Variants in SMARCAL1 observed in about 807,000 individuals in gnomAD.
SMARCAL1 encodes the protein ATP-driven annealing helicase.
In SMARCAL1, 58 loss-of-function variants were observed where a neutral mutation model predicts 94.5. The observed-to-expected ratio is 0.61, with a 90% CI of 0.50 to 0.76. The LOEUF is 0.76. Ranked by LOEUF, SMARCAL1 falls within the 30% of genes least tolerant of loss-of-function variation. The pLI, the probability that SMARCAL1 is intolerant of heterozygous loss-of-function variation, is 0.00. For missense variants in SMARCAL1, 1,051 were observed against 1,177.9 expected, an observed-to-expected ratio of 0.89 and a Z score of 1.58; for synonymous variants, 422 against 455.1, an observed-to-expected ratio of 0.93 and a Z score of 0.93.
chr2:216,418,613 C>G (rs1160610981), intron 4 of SMARCAL1, among the ~76,000 whole-genome samples: 2 of 152,198 alleles, frequency 1.3e-5, no homozygotes, highest in African/African-American at 4.8e-5. Flanking sequence ...CTACCACATA[C>G]TCACTGTAGA....
At chr2:216,430,110 T>C (rs1474153122) in intron 7 of SMARCAL1, among the ~76,000 whole-genome samples, 1 of 152,202 alleles carries the variant, frequency 6.6e-6, no homozygotes, top group African/African-American at 2.4e-5. Flanking sequence ...GTTACCCCAT[T>C]ACCCCTGAGA....
intron 12 of SMARCAL1, among the ~76,000 whole-genome samples, chr2:216,459,881 C>T (rs1294580311): frequency 6.6e-6 from 1 of 152,066 alleles, no homozygotes; most frequent in Non-Finnish European, 1.5e-5. Flanking sequence ...AAGAAACTAC[C>T]ATCAGAGTGA....
intron 1 of SMARCAL1, among the ~76,000 whole-genome samples, chr2:216,413,518 A>T (rs1013791345): frequency 1.3e-5 from 2 of 152,242 alleles, no homozygotes; most frequent in Non-Finnish European, 2.9e-5. Flanking sequence ...GATGAAAAAA[A>T]ATCCGAACTA....
intron 11 of SMARCAL1, among the ~76,000 whole-genome samples, chr2:216,449,393 T>G (rs532785627): frequency 1.7e-4 from 26 of 152,246 alleles, no homozygotes; most frequent in African/African-American, 6.3e-4. Context: ...TTTTTTCTTT[T>G]TCTTTTTCTT....
intron 14 of SMARCAL1, among the ~76,000 whole-genome samples, chr2:216,474,784 T>C (rs1184977007): frequency 1.3e-5 from 2 of 152,038 alleles, no homozygotes; most frequent in Non-Finnish European, 2.9e-5. Flanking sequence ...AAAATGTTTT[T>C]AGAAATTCAG....
intron 12 of SMARCAL1, among the ~76,000 whole-genome samples, chr2:216,462,806 T>C (rs954225254): frequency 6.7e-6 from 1 of 148,680 alleles, no homozygotes; most frequent in African/African-American, 2.5e-5. Flanking sequence ...GACAACATAG[T>C]GAGATCCTGT....
At chr2:216,422,192 G>C (rs1374037534) in intron 5 of SMARCAL1, among the ~76,000 whole-genome samples, 4 of 152,074 alleles carry the variant, frequency 2.6e-5, no homozygotes, top group Non-Finnish European at 5.9e-5. Flanking sequence ...GACCAGCCTG[G>C]CCAACATGGT....
At chr2:216,469,351 G>A (rs1239503847) in intron 14 of SMARCAL1, among the ~76,000 whole-genome samples, 1 of 134,836 alleles carries the variant, frequency 7.4e-6, no homozygotes, top group African/African-American at 2.8e-5. Context: ...GCACGACCTT[G>A]GCTCACTGCA....
At position 216,429,676 on chromosome 2, in the gene SMARCAL1, A is replaced by G. The variant is rs898818382; in HGVS notation, c.1334+894A>G. On this transcript the variant is annotated intron_variant, in intron 7 of 17. Transcript: ENST00000357276. ...TTAACAATGGCACTGACAAACCACA[A>G]CAGCCTGCCTGCTCGAAGCCTGATT... 3.3e-4 allele frequency among the ~76,000 whole-genome samples: 50 copies of G among 152,018 alleles called. 1 individual carries two copies. Among genetic ancestry groups the G allele is most frequent in the Non-Finnish European group, 8.8e-5 (6 of 68,010 alleles).
Position 216,432,815 on chromosome 2 carries a change from G to A in SMARCAL1, c.1432G>A (p.Glu478Lys), listed in dbSNP as rs200945637. 1.2e-6 allele frequency: 2 copies of A among 1,614,240 alleles called. No homozygotes were observed. The highest frequency in any genetic ancestry group is 1.7e-6 in the Non-Finnish European group (2 of 1,180,050). The change falls in exon 8 of 18, where the codon GAG (glutamate) becomes AAG (lysine). Residue 478 changes from glutamate to lysine, a missense_variant. Glu to Lys is a moderately conservative substitution (Grantham distance 56). Around this residue, in one of 3 missense-constraint regions of SMARCAL1, gnomAD observed 642 missense variants for 754.7 expected, o/e 0.85. Transcript: ENST00000357276. ...CTGCATCGCAGCCTTTTACCGGAAG[G>A]AGTGGCCGCTCCTGGTGGTGGTGCC... The part of the protein sequence containing the change: ...AICIAAFYRK[E>K]WPLLVVVPSS...
chr2:216,474,340 A>G (rs1574483381), intron 14 of SMARCAL1, among the ~76,000 whole-genome samples: 1 of 145,888 alleles, frequency 6.9e-6, no homozygotes, highest in Admixed American at 6.8e-5. Flanking sequence ...GGGTTCCGCC[A>G]TGTTGGCCAG....
chr2:216,426,065 T>C (rs1693826831), intron 6 of SMARCAL1, among the ~76,000 whole-genome samples: 1 of 152,244 alleles, frequency 6.6e-6, no homozygotes, highest in South Asian at 2.1e-4. Context: ...TTTTGCCATG[T>C]TGGCCAGGCT....
chr2:216,469,278 T>TC (rs1694905302), intron 14 of SMARCAL1, among the ~76,000 whole-genome samples: 4 of 139,000 alleles, frequency 2.9e-5, no homozygotes, highest in African/African-American at 1.1e-4. Flanking sequence ...TTTAGAGATT[T>TC]CTTTTTTTTT....
At chr2:216,473,874 A>G (rs972486861) in intron 14 of SMARCAL1, among the ~76,000 whole-genome samples, 37 of 152,340 alleles carry the variant, frequency 2.4e-4, no homozygotes, top group African/African-American at 7.7e-4. Flanking sequence ...TTAGGTTAAC[A>G]GAAAAACTTG....
intron 1 of SMARCAL1, among the ~76,000 whole-genome samples, chr2:216,413,481 C>A (rs977434346): frequency 6.6e-6 from 1 of 152,104 alleles, no homozygotes; most frequent in Non-Finnish European, 1.5e-5. Flanking sequence ...ATTCTTATAT[C>A]TCCTAAATAT....
chr2:216,476,778 C>T (rs1344407001), intron 15 of SMARCAL1, among the ~76,000 whole-genome samples: 2 of 152,188 alleles, frequency 1.3e-5, no homozygotes, highest in African/African-American at 4.8e-5. Flanking sequence ...ACCAGCCCCT[C>T]CCCATGCAGC....
At chr2:216,473,433 C>A (rs979786833) in intron 14 of SMARCAL1, among the ~76,000 whole-genome samples, 12 of 149,458 alleles carry the variant, frequency 8.0e-5, no homozygotes, top group African/African-American at 2.7e-4. Context: ...TGCTAAATAA[C>A]ATCCCATTGT....
chr2:216,416,228 A>G (rs372178297), intron 3 of SMARCAL1, 29 bp from the exon 4 acceptor site: 85 of 1,607,206 alleles, frequency 5.3e-5, no homozygotes, highest in Non-Finnish European at 6.6e-5. Context: ...CAAATTGTCA[A>G]CAGTCATCAG....
chr2:216,449,840 G>T (rs975186815), intron 11 of SMARCAL1, among the ~76,000 whole-genome samples: 3 of 150,048 alleles, frequency 2.0e-5, no homozygotes, highest in Non-Finnish European at 4.5e-5. Context: ...AATGGTAATG[G>T]CTTCTTTTTT....
Sources: allele counts gnomAD v4.1 joint callset (sites outside exome capture counted in the v4.1 genomes callset), GRCh38; gene constraint gnomAD v4.1.1; regional missense constraint gnomAD v4.1.1; transcripts MANE v1.5; gene names NCBI Gene and HGNC (gene_info 2026-07-23, HGNC 2026-07-21).